Variants in C7orf57 observed in about 807,000 individuals in gnomAD.
C7orf57 encodes uncharacterized protein C7orf57.
A neutral mutation model predicts 39.0 loss-of-function variants in C7orf57; 33 were observed. The observed-to-expected ratio is 0.85, with a 90% CI of 0.64 to 1.13. C7orf57 has a LOEUF of 1.13. C7orf57 is among the 50% of genes most tolerant of loss of function. The pLI is 0.00. For missense variants in C7orf57, 346 were observed against 362.3 expected (o/e 0.95, Z 0.37); for synonymous variants, 124 against 137.1 (o/e 0.90, Z 0.67).
intron 8 of C7orf57, among the ~76,000 whole-genome samples, chr7:48,055,596 G>A (rs1221053605): frequency 6.6e-6 from 1 of 152,072 alleles, no homozygotes; most frequent in Non-Finnish European, 1.5e-5. Flanking sequence ...GGCACCCTTT[G>A]ACCAACTTCT....
chr7:48,047,303 G>T (rs1417923067), intron 5 of C7orf57, among the ~76,000 whole-genome samples: 1 of 152,164 alleles, frequency 6.6e-6, no homozygotes, highest in African/African-American at 2.4e-5. Context: ...CTCAGTTCTT[G>T]CAACTTCAGG....
At chr7:48,045,418 C>T (rs922523181) in intron 4 of C7orf57, among the ~76,000 whole-genome samples, 1 of 152,106 alleles carries the variant, frequency 6.6e-6, no homozygotes, top group Non-Finnish European at 1.5e-5. Flanking sequence ...CAGCCACACT[C>T]ATGGCTTCTC....
Position 48,043,594 on chromosome 7 carries a change from G to C in C7orf57, c.350+5G>C. 2 of 1,609,452 alleles carry C rather than the reference G, an allele frequency of 1.2e-6. No individual in the cohort carries two copies. The highest frequency in any genetic ancestry group is 2.2e-5 in the South Asian group (2 of 90,942). On this transcript the variant is annotated splice_donor_5th_base_variant and intron_variant, in intron 4 of 8. Coordinates refer to ENST00000348904, the MANE Select transcript of C7orf57 (RefSeq NM_001100159.3). ...ACCGACAGCCAGCCAGCAAGAGTAA[G>C]TACCTTAAAGCACTCACATTTTTGT...
chr7:48,058,571 T>C (rs1791196007), intron 8 of C7orf57, among the ~76,000 whole-genome samples: 1 of 152,172 alleles, frequency 6.6e-6, no homozygotes, highest in Non-Finnish European at 1.5e-5. Flanking sequence ...TTCTTATTTT[T>C]TTCAGTCTTT....
chr7:48,036,222 A>C lies in C7orf57; in HGVS notation c.-87A>C. The C allele has an allele frequency of 7.0e-7, 1 of 1,433,496 alleles. No homozygotes were observed. Among genetic ancestry groups the C allele is most frequent in the Non-Finnish European group, 9.6e-7 (1 of 1,039,758 alleles). The allele number at this position is 1,433,496 out of a possible 1,614,324, so 88.8% of individuals were successfully genotyped here. A position where few individuals can be genotyped will look rare whatever the true frequency, so the allele number is the denominator to read the frequency against. On this transcript the variant is annotated 5_prime_UTR_variant, in exon 2 of 9. Transcript: ENST00000348904. ...TGCTTTTGCAGCTGCAGCTCCTGGCAACTGGTCAAGCAGGCAGCGTCCAGC... is the reference window on the plus strand; with the variant it reads ...TGCTTTTGCAGCTGCAGCTCCTGGCCACTGGTCAAGCAGGCAGCGTCCAGC...
In C7orf57 at chr7:48,051,726, CTCTTTTTCTTTTCTT is replaced by C. The variant is rs869107099; in HGVS notation, c.606-953_606-939del. Among the ~76,000 whole-genome samples the C allele has an allele frequency of 4.1e-5, 4 of 97,336 alleles. 1 individual carries two copies. Among genetic ancestry groups the C allele is most frequent in the South Asian group, 4.0e-4 (1 of 2,522 alleles). 63.9% of individuals were successfully genotyped at this position (97,336 alleles called of 152,430 possible). A position where few individuals can be genotyped will look rare whatever the true frequency, so the allele number is the denominator to read the frequency against. ...CTCTCTCTCTCTCCTTTCTTTCTTT[CTCTTTTTCTTTTCTT>C]TCTTTTTCTTTTCTTTCTTTCTTTC... On this transcript the variant is annotated intron_variant, in intron 6 of 8. Transcript: ENST00000348904.
intron 2 of C7orf57, among the ~76,000 whole-genome samples, chr7:48,037,992 C>T (rs374433850): frequency 4.6e-5 from 7 of 152,190 alleles, no homozygotes; most frequent in East Asian, 3.8e-4. Context: ...AACAATCAAA[C>T]GCCTTCTCTC....
intron 4 of C7orf57, among the ~76,000 whole-genome samples, chr7:48,045,865 C>T (rs1790698317): frequency 6.6e-6 from 1 of 151,970 alleles, no homozygotes; most frequent in Admixed American, 6.6e-5. Context: ...AGTTTAAATA[C>T]TCACATTAAA....
intron 5 of C7orf57, among the ~76,000 whole-genome samples, chr7:48,047,018 A>G (rs926346675): frequency 1.3e-5 from 2 of 152,208 alleles, no homozygotes; most frequent in Non-Finnish European, 2.9e-5. Flanking sequence ...AAAGGAAGAG[A>G]AGATGAATTC....
chr7:48,049,231 A>G (rs144511242), intron 5 of C7orf57, among the ~76,000 whole-genome samples: 311 of 152,330 alleles, frequency 2.0e-3, no homozygotes, highest in Middle Eastern at 0.01. Context: ...GGTTTTAACT[A>G]AAGAAAACCT....
intron 7 of C7orf57, 171 bp downstream of exon 7, chr7:48,053,094 G>A (rs1250483828): frequency 1.4e-6 from 1 of 704,522 alleles, no homozygotes; most frequent in Non-Finnish European, 2.6e-6. Flanking sequence ...AGTAATACAT[G>A]TTTTGCTCTT....
intron 6 of C7orf57, among the ~76,000 whole-genome samples, chr7:48,051,347 ATTTTTTT>A (rs71006546): frequency 1.7e-4 from 12 of 69,772 alleles, no homozygotes. Flanking sequence ...CAGCTGGCTA[ATTTTTTT>A]TTTTTTTTTT....
At chr7:48,048,408 G>T (rs147005406) in intron 5 of C7orf57, among the ~76,000 whole-genome samples, 9 of 152,266 alleles carry the variant, frequency 5.9e-5, no homozygotes, top group African/African-American at 2.2e-4. Context: ...CACATGTATT[G>T]CCTGTTGGTT....
At chr7:48,051,841 T>C (rs1477649234) in intron 6 of C7orf57, among the ~76,000 whole-genome samples, 7 of 77,218 alleles carry the variant, frequency 9.1e-5, no homozygotes, top group South Asian at 4.4e-4. Context: ...CTTTCTTTCT[T>C]TCTTTCTTTC....
intron 2 of C7orf57, among the ~76,000 whole-genome samples, chr7:48,039,999 T>A (rs1221491835): frequency 1.3e-5 from 2 of 152,182 alleles, no homozygotes; most frequent in African/African-American, 4.8e-5. Flanking sequence ...AATTTCAGAT[T>A]CAAATAGTTA....
At chr7:48,056,065 C>A (rs964424089) in intron 8 of C7orf57, among the ~76,000 whole-genome samples, 1 of 152,110 alleles carries the variant, frequency 6.6e-6, no homozygotes, top group African/African-American at 2.4e-5. Context: ...TATGGCTATT[C>A]TAATTTACAT....
rs1791121428 is a variant in C7orf57, at chr7:48,056,555, T to C, written c.841+1949T>C. Among the ~76,000 whole-genome samples the C allele has an allele frequency of 2.0e-5, 3 of 152,196 alleles. No individual in the cohort carries two copies. In the South Asian group the frequency reaches 6.2e-4, roughly 31 times the overall value. The stretch of plus-strand genomic sequence containing the variant: ...GGGAGGTTTTTCCCTATATTTTTTC[T>C]ATAGGTTTAGCATCCCAAATCTGAA... On this transcript the variant is annotated intron_variant, in intron 8 of 8. Transcript: ENST00000348904.
intron 2 of C7orf57, among the ~76,000 whole-genome samples, chr7:48,036,677 C>T (rs886909610): frequency 1.3e-5 from 2 of 152,102 alleles, no homozygotes; most frequent in Admixed American, 6.5e-5. Context: ...ATAGTTCAAC[C>T]CTATACAATT....
At chr7:48,048,571 T>C (rs1261763012) in intron 5 of C7orf57, among the ~76,000 whole-genome samples, 2 of 152,182 alleles carry the variant, frequency 1.3e-5, no homozygotes, top group Non-Finnish European at 2.9e-5. Context: ...TCCCATAGCA[T>C]GTATTTCTAT....
Sources: gnomAD v4.1 joint callset for allele counts (sites outside exome capture counted in the v4.1 genomes callset) on GRCh38, gnomAD v4.1.1 for gene constraint, MANE v1.5 for transcripts, NCBI Gene and HGNC (gene_info 2026-07-23, HGNC 2026-07-21) for gene names.